MEG3: variants seen among roughly 807,000 people sequenced by gnomAD.
MEG3 encodes the protein maternally expressed 3, also known as Very putative protein from MEG3 locus.
chr14:100,860,392 A>G (rs898883730), intron 1 of MEG3: 79 of 332,600 alleles, frequency 2.4e-4, no homozygotes, highest in African/African-American at 1.7e-3. Context: ...TCAAGGTGAG[A>G]GAAACCAGAG....
At chr14:100,846,225 CAT>C (rs1292752616) in intron 3 of MEG3, 1 of 152,162 alleles carries the variant, frequency 6.6e-6, no homozygotes, top group African/African-American at 2.4e-5. Flanking sequence ...GACTATGTAC[CAT>C]GTGTGTGTCT....
intron 1 of MEG3, among the ~76,000 whole-genome samples, chr14:100,828,252 C>T (rs1467005701): frequency 1.3e-5 from 2 of 152,058 alleles, no homozygotes; most frequent in Non-Finnish European, 2.9e-5. Context: ...CGGTGTGTGC[C>T]AGCCCCGCTA....
upstream of MEG3, chr14:100,855,977 G>T (rs1382137230): frequency 6.6e-6 from 1 of 152,240 alleles, no homozygotes; most frequent in Non-Finnish European, 1.5e-5. Flanking sequence ...GAGCCAGGGG[G>T]TTCCAAGATG....
At chr14:100,855,790 T>G (rs988738407), upstream of MEG3, 21 of 152,254 alleles carry the variant, frequency 1.4e-4, no homozygotes, top group African/African-American at 4.1e-4. Flanking sequence ...CGTGCTTGTG[T>G]GTCGGTGACA....
intron 3 of MEG3, chr14:100,851,561 C>G (rs536099574): frequency 6.6e-6 from 1 of 152,304 alleles, no homozygotes; most frequent in South Asian, 2.1e-4. Context: ...CACCCTCTGG[C>G]CTGGTCTTCC....
chr14:100,844,266 C>G (rs992939451), intron 2 of MEG3, among the ~76,000 whole-genome samples: 3 of 152,088 alleles, frequency 2.0e-5, no homozygotes, highest in African/African-American at 7.2e-5. Flanking sequence ...TGTGCCTAAT[C>G]CAGGAAACGG....
upstream of MEG3, chr14:100,856,359 A>C (rs1010044237): frequency 6.6e-6 from 1 of 152,630 alleles, no homozygotes; most frequent in African/African-American, 2.4e-5. Context: ...CATTCATTGC[A>C]TTGGAGAGGA....
intron 2 of MEG3, among the ~76,000 whole-genome samples, chr14:100,839,045 ATAACT>A (rs907717765): frequency 1.3e-5 from 2 of 152,240 alleles, no homozygotes; most frequent in African/African-American, 4.8e-5. Flanking sequence ...TTTACATAAA[ATAACT>A]TAAGTGTGTT....
At chr14:100,850,846 A>T (rs1224629114) in intron 3 of MEG3, 1 of 152,348 alleles carries the variant, frequency 6.6e-6, no homozygotes, top group Non-Finnish European at 1.5e-5. Flanking sequence ...TGAACGAATG[A>T]CTGGAAGAAA....
At chr14:100,852,691 A>C, upstream of MEG3, 1 of 262,702 alleles carries the variant, frequency 3.8e-6, no homozygotes, top group South Asian at 3.6e-5. Context: ...TGTTAAAAAA[A>C]GTCAGCAGAG....
exon 1 of MEG3, chr14:100,859,692 A>G (rs1432653030): frequency 6.6e-6 from 1 of 152,184 alleles, no homozygotes; most frequent in Non-Finnish European, 1.5e-5. Context: ...AAGACCCCAG[A>G]GCTTGATTCC....
chr14:100,841,313 C>T (rs2037751892), intron 2 of MEG3, among the ~76,000 whole-genome samples: 1 of 152,246 alleles, frequency 6.6e-6, no homozygotes, highest in South Asian at 2.1e-4. Context: ...TCAGCCCTGA[C>T]TATGGGTGTG....
At chr14:100,852,981 G>GT (rs2038131310), upstream of MEG3, 1 of 153,390 alleles carries the variant, frequency 6.5e-6, no homozygotes, top group South Asian at 2.0e-4. Flanking sequence ...GGCTCTTAGG[G>GT]TTTTGACCCT....
intron 2 of MEG3, among the ~76,000 whole-genome samples, chr14:100,841,306 G>T (rs1851285405): frequency 6.6e-6 from 1 of 152,250 alleles, no homozygotes; most frequent in South Asian, 2.1e-4. Flanking sequence ...CCTGTGCTCA[G>T]CCCTGACTAT....
exon 1 of MEG3, chr14:100,859,494 G>A (rs10141994): frequency 0.069 from 10,437 of 152,206 alleles, 1,221 homozygotes; most frequent in African/African-American, 0.24. Context: ...CTGCTCCTCC[G>A]CCCCCCATGC....
intron 3 of MEG3, chr14:100,849,745 G>A (rs971554583): frequency 6.6e-6 from 1 of 152,018 alleles, no homozygotes; most frequent in African/African-American, 2.4e-5. Flanking sequence ...CCAGGCCCAG[G>A]TTCCCAGGGG....
chr14:100,860,803 G>T, exon 2 of MEG3: 1 of 432,260 alleles, frequency 2.3e-6, no homozygotes, highest in Non-Finnish European at 4.6e-6. Flanking sequence ...ACTGATGGAC[G>T]CCGCTGACCT....
intron 3 of MEG3, chr14:100,851,188 A>G (rs2038061990): frequency 1.3e-5 from 2 of 152,302 alleles, no homozygotes; most frequent in African/African-American, 4.8e-5. Context: ...TACCCCATCT[A>G]TGGCCTGGAT....
chr14:100,836,969 G>C (rs966844524), intron 2 of MEG3, among the ~76,000 whole-genome samples: 2 of 152,162 alleles, frequency 1.3e-5, no homozygotes, highest in South Asian at 2.1e-4. Flanking sequence ...CAATTCACTC[G>C]AGGACCCATC....
Sources: allele counts gnomAD v4.1 joint callset (sites outside exome capture counted in the v4.1 genomes callset), GRCh38; gene constraint gnomAD v4.1.1; transcripts MANE v1.5; gene names NCBI Gene and HGNC (gene_info 2026-07-23, HGNC 2026-07-21).